Variants in FRMD4B observed in about 807,000 individuals in gnomAD.
FRMD4B encodes the protein FERM domain-containing protein 4B.
Under a neutral mutation model 141.5 loss-of-function variants are expected in FRMD4B, and 74 were observed. The ratio of observed to expected loss-of-function variants is 0.52; its 90% CI spans 0.43 to 0.63. The LOEUF (loss-of-function observed/expected upper bound fraction) is 0.63, where lower values mean the gene tolerates loss of function less well. Among genes scored for constraint, FRMD4B ranks in the 30% least tolerant of loss-of-function variants. The pLI, the probability that FRMD4B is intolerant of heterozygous loss-of-function variation, is 0.00. For missense variants in FRMD4B, 1,366 were observed against 1,253.4 expected, an observed-to-expected ratio of 1.09 and a Z score of -1.36; for synonymous variants, 506 against 467.9, an observed-to-expected ratio of 1.08 and a Z score of -1.05.
chr3:69,288,460 T>TG (rs1700766911), intron 4 of FRMD4B, among the ~76,000 whole-genome samples: 1 of 152,256 alleles, frequency 6.6e-6, no homozygotes, highest in Admixed American at 6.5e-5. Context: ...CAGGGTATTC[T>TG]GGGCCTCACT....
intron 1 of FRMD4B, among the ~76,000 whole-genome samples, chr3:69,526,915 C>T (rs2107144678): frequency 6.6e-6 from 1 of 152,312 alleles, no homozygotes; most frequent in African/African-American, 2.4e-5. Context: ...CACTGCGCCT[C>T]CCATATCCAC....
chr3:69,407,432 AT>A (rs1221311081), intron 2 of FRMD4B, among the ~76,000 whole-genome samples: 6 of 152,178 alleles, frequency 3.9e-5, no homozygotes, highest in African/African-American at 1.4e-4. Flanking sequence ...AAAGGGAGGC[AT>A]TTTTCATACA....
At position 69,468,813 on chromosome 3, in the gene FRMD4B, C is replaced by G. The variant is rs116479290; in HGVS notation, c.-128-36052G>C. Reference sequence around the variant, plus strand: ...CAAGCAAGTCGAGGGACTGCTCCACCTCTGGACTTGCTGTTCTGAGAGTTA... The same window carrying G: ...CAAGCAAGTCGAGGGACTGCTCCACGTCTGGACTTGCTGTTCTGAGAGTTA... On this transcript the variant is annotated intron_variant, in intron 1 of 5. Transcript: ENST00000459638. Among the ~76,000 whole-genome samples the G allele has an allele frequency of 3.3e-5, 5 of 152,250 alleles. No individual in the cohort carries two copies. In the East Asian group the frequency reaches 9.6e-4, roughly 29 times the overall value.
intron 11 of FRMD4B, among the ~76,000 whole-genome samples, chr3:69,214,260 T>C (rs2093117026): frequency 6.6e-6 from 1 of 152,234 alleles, no homozygotes; most frequent in African/African-American, 2.4e-5. Context: ...TTGGCTGTTT[T>C]TCTAACACAC....
At chr3:69,363,384 C>T (rs1489782690) in intron 1 of FRMD4B, among the ~76,000 whole-genome samples, 1 of 150,992 alleles carries the variant, frequency 6.6e-6, no homozygotes, top group Admixed American at 6.6e-5. Flanking sequence ...TGCACCTGGC[C>T]TCCATGCCTT....
intron 1 of FRMD4B, among the ~76,000 whole-genome samples, chr3:69,321,713 C>A (rs894666200): frequency 3.0e-5 from 2 of 66,904 alleles, no homozygotes; most frequent in Admixed American, 3.3e-4. Flanking sequence ...AATACATTCA[C>A]AAATGATTTT....
chr3:69,252,766 C>T (rs956498731), intron 5 of FRMD4B, among the ~76,000 whole-genome samples: 2 of 152,144 alleles, frequency 1.3e-5, no homozygotes, highest in African/African-American at 4.8e-5. Flanking sequence ...TTACTCTCAA[C>T]CATGGCAACA....
intron 2 of FRMD4B, among the ~76,000 whole-genome samples, chr3:69,432,217 C>T (rs1361248287): frequency 2.0e-5 from 3 of 152,170 alleles, no homozygotes; most frequent in Non-Finnish European, 4.4e-5. Flanking sequence ...GCTCAGTTGT[C>T]CCCTGGACTT....
intron 1 of FRMD4B, among the ~76,000 whole-genome samples, chr3:69,335,502 G>C (rs572397423): frequency 6.6e-6 from 1 of 151,776 alleles, no homozygotes; most frequent in South Asian, 2.1e-4. Flanking sequence ...CTCCCGAGTA[G>C]CTGGGATTAC....
chr3:69,378,050 C>T (rs1191350188), intron 1 of FRMD4B, among the ~76,000 whole-genome samples: 1 of 151,066 alleles, frequency 6.6e-6, no homozygotes, highest in Non-Finnish European at 1.5e-5. Context: ...GAACTCCTGG[C>T]CTCAAGTGAT....
intron 1 of FRMD4B, among the ~76,000 whole-genome samples, chr3:69,440,606 A>G (rs546315690): frequency 6.6e-6 from 1 of 152,176 alleles, no homozygotes; most frequent in Non-Finnish European, 1.5e-5. Flanking sequence ...GGAGCTTGAG[A>G]TCAGCCTGGC....
chr3:69,490,207 A>G (rs1175551372), intron 1 of FRMD4B, among the ~76,000 whole-genome samples: 1 of 152,202 alleles, frequency 6.6e-6, no homozygotes, highest in Non-Finnish European at 1.5e-5. Flanking sequence ...TTTAAACATG[A>G]ACAAACATTT....
At chr3:69,411,725 G>A (rs1350648121) in intron 2 of FRMD4B, among the ~76,000 whole-genome samples, 1 of 152,192 alleles carries the variant, frequency 6.6e-6, no homozygotes, top group Non-Finnish European at 1.5e-5. Flanking sequence ...TAACTGCCTA[G>A]GGACGTGGTT....
At chr3:69,442,181 A>G (rs1559528616) in intron 1 of FRMD4B, among the ~76,000 whole-genome samples, 2 of 151,452 alleles carry the variant, frequency 1.3e-5, no homozygotes, top group Non-Finnish European at 2.9e-5. Flanking sequence ...TCCTGTACTC[A>G]AGCAGTCCTC....
intron 3 of FRMD4B, chr3:69,310,577 CACACAGAGAGAGAGAG>C (rs1312300203): frequency 0.014 from 3,003 of 222,008 alleles, no homozygotes; most frequent in East Asian, 0.029. Flanking sequence ...CACACACACA[CACACAGAGAGAGAGAG>C]AGAGAGAGAG....
At chr3:69,501,187 T>C (rs916251800) in intron 1 of FRMD4B, among the ~76,000 whole-genome samples, 1 of 151,714 alleles carries the variant, frequency 6.6e-6, no homozygotes, top group African/African-American at 2.4e-5. Context: ...CACAAATTTG[T>C]AAACTTTCCT....
chr3:69,512,099 T>C (rs1413415047), intron 1 of FRMD4B, among the ~76,000 whole-genome samples: 5 of 152,000 alleles, frequency 3.3e-5, no homozygotes, highest in Non-Finnish European at 5.9e-5. Flanking sequence ...TTGCCTAGAA[T>C]ACAAAGCAAG....
At chr3:69,525,106 C>T (rs1700913049) in intron 1 of FRMD4B, among the ~76,000 whole-genome samples, 1 of 152,166 alleles carries the variant, frequency 6.6e-6, no homozygotes, top group South Asian at 2.1e-4. Context: ...TAATCATATA[C>T]TAGAAGAAAA....
chr3:69,467,874 G>C (rs576816654), intron 1 of FRMD4B, among the ~76,000 whole-genome samples: 3 of 152,122 alleles, frequency 2.0e-5, no homozygotes, highest in Non-Finnish European at 4.4e-5. Flanking sequence ...TTTCCTTTTG[G>C]ACACTGAAGA....
Sources: gnomAD v4.1 joint callset for allele counts (sites outside exome capture counted in the v4.1 genomes callset) on GRCh38, gnomAD v4.1.1 for gene constraint, MANE v1.5 for transcripts, NCBI Gene and HGNC (gene_info 2026-07-23, HGNC 2026-07-21) for gene names.